Variants in DPYD observed in about 807,000 individuals in gnomAD.
DPYD encodes the protein dihydropyrimidine dehydrogenase [NADP(+)].
A neutral mutation model predicts 116.2 loss-of-function variants in DPYD; 109 were observed. The ratio of observed to expected loss-of-function variants is 0.94; its 90% CI spans 0.80 to 1.10. The LOEUF is 1.10. Ranked by LOEUF, DPYD falls within the 50% of genes least tolerant of loss-of-function variation. The probability of loss-of-function intolerance (pLI) is 0.00; values close to 1 mark genes in which losing one functional copy is unlikely to be tolerated. For missense variants in DPYD, 1,302 were observed against 1,254.5 expected (o/e 1.04, Z -0.57); for synonymous variants, 440 against 432.0 (o/e 1.02, Z -0.23).
rs75073340 is a variant in DPYD at position 97,085,308 on chromosome 1, C to T, written c.2767-2838G>A. 1.0e-3 allele frequency among the ~76,000 whole-genome samples: 155 copies of T among 152,260 alleles called. No homozygotes were observed. In the East Asian group the frequency reaches 0.026, roughly 26 times the overall value. ...GTGTATAAGCCTTCTTCAAAAGAAA[C>T]GTTGTATATGCCTTAGAAATTTTAC... On this transcript the variant is annotated intron_variant, in intron 21 of 22. Transcript: ENST00000370192.
At chr1:97,343,257 T>G (rs1271136019) in intron 16 of DPYD, among the ~76,000 whole-genome samples, 1 of 152,120 alleles carries the variant, frequency 6.6e-6, no homozygotes, top group Non-Finnish European at 1.5e-5. Context: ...TCCACCATTA[T>G]TCTCTTCAAT....
At chr1:97,916,656 A>G (rs964260148) in intron 1 of DPYD, among the ~76,000 whole-genome samples, 2 of 152,200 alleles carry the variant, frequency 1.3e-5, no homozygotes, top group African/African-American at 2.4e-5. Flanking sequence ...ACCCTCCATC[A>G]AGATCCATCA....
At chr1:97,829,607 T>C (rs1002227020) in intron 2 of DPYD, among the ~76,000 whole-genome samples, 35 of 152,144 alleles carry the variant, frequency 2.3e-4, no homozygotes, top group African/African-American at 8.0e-4. Context: ...GTTTAAGAAA[T>C]TTAAAAACTT....
intron 3 of DPYD, among the ~76,000 whole-genome samples, chr1:97,787,947 T>G (rs1667127116): frequency 6.6e-6 from 1 of 152,182 alleles, no homozygotes; most frequent in African/African-American, 2.4e-5. Flanking sequence ...CACACGGTAG[T>G]AGAGAGGTAG....
At chr1:97,692,921 A>G (rs553753865) in intron 6 of DPYD, among the ~76,000 whole-genome samples, 1 of 152,290 alleles carries the variant, frequency 6.6e-6, no homozygotes, top group East Asian at 1.9e-4. Context: ...CAGCCTTTTC[A>G]TTGTTTGATG....
At chr1:97,563,351 T>C (rs2102141932) in intron 11 of DPYD, among the ~76,000 whole-genome samples, 1 of 152,346 alleles carries the variant, frequency 6.6e-6, no homozygotes, top group Admixed American at 6.5e-5. Flanking sequence ...TCAGTTTATC[T>C]ATTACACTCA....
chr1:97,504,961 C>T (rs1647211223), intron 13 of DPYD, among the ~76,000 whole-genome samples: 1 of 151,780 alleles, frequency 6.6e-6, no homozygotes, highest in Non-Finnish European at 1.5e-5. Flanking sequence ...TATAAGAGCT[C>T]AGACAATGGA....
intron 17 of DPYD, 31 bp from the exon 18 acceptor site, chr1:97,305,409 G>A (rs2101037185): frequency 1.2e-6 from 2 of 1,611,444 alleles, no homozygotes; most frequent in Non-Finnish European, 1.7e-6. Flanking sequence ...TTTTCATGCA[G>A]CTCTTATAAG....
intron 19 of DPYD, among the ~76,000 whole-genome samples, chr1:97,194,926 C>T (rs1658641737): frequency 6.6e-6 from 1 of 152,108 alleles, no homozygotes; most frequent in African/African-American, 2.4e-5. Context: ...AGTTCTTCCA[C>T]TAAAAAAACC....
At chr1:97,900,289 A>T (rs543010724) in intron 1 of DPYD, among the ~76,000 whole-genome samples, 1 of 151,972 alleles carries the variant, frequency 6.6e-6, no homozygotes, top group East Asian at 1.9e-4. Context: ...CTTCTTTTAC[A>T]TGAGGAATAA....
At chr1:97,647,608 C>T (rs1658343030) in intron 8 of DPYD, among the ~76,000 whole-genome samples, 1 of 151,740 alleles carries the variant, frequency 6.6e-6, no homozygotes, top group Non-Finnish European at 1.5e-5. Context: ...TAATTTCATT[C>T]AAAAATATTT....
At position 97,545,555 on chromosome 1, in the gene DPYD, T is replaced by C. The variant is rs371976932; in HGVS notation, c.1524+4005A>G. The C allele has an allele frequency of 1.7e-4, 78 of 446,954 alleles. No individual in the cohort carries two copies. The East Asian group carries it at 2.2e-3, about 13-fold the overall frequency. The allele number at this position is 446,954 out of a possible 1,614,324, so 27.7% of individuals were successfully genotyped here. ...TGTAGGAAAGACATTTACATGAAGA[T>C]GTTTGGTGAATATGAAAAGTAGATT... On this transcript the variant is annotated intron_variant, in intron 12 of 22. Coordinates refer to ENST00000370192, the MANE Select transcript of DPYD (RefSeq NM_000110.4).
At chr1:97,850,169 T>G (rs1670501650) in intron 2 of DPYD, among the ~76,000 whole-genome samples, 1 of 152,216 alleles carries the variant, frequency 6.6e-6, no homozygotes, top group African/African-American at 2.4e-5. Context: ...GTCATCTGTT[T>G]CTCAAGTTAT....
intron 11 of DPYD, among the ~76,000 whole-genome samples, chr1:97,562,427 T>G (rs1294392778): frequency 6.6e-6 from 1 of 152,198 alleles, no homozygotes; most frequent in Non-Finnish European, 1.5e-5. Context: ...TTCTTTCACA[T>G]ACTTGTATGG....
chr1:97,541,836 A>G (rs899937453), intron 12 of DPYD, among the ~76,000 whole-genome samples: 5 of 152,178 alleles, frequency 3.3e-5, no homozygotes, highest in Non-Finnish European at 7.4e-5. Context: ...TTCTTTAGGT[A>G]CACTGTCAAA....
intron 13 of DPYD, among the ~76,000 whole-genome samples, chr1:97,455,378 G>C (rs1216830171): frequency 6.6e-6 from 1 of 151,858 alleles, no homozygotes; most frequent in Non-Finnish European, 1.5e-5. Context: ...CCAAGATTCT[G>C]CTGTAAATAT....
chr1:97,293,382 A>G (rs1460963656), intron 18 of DPYD, among the ~76,000 whole-genome samples: 1 of 152,218 alleles, frequency 6.6e-6, no homozygotes, highest in Admixed American at 6.5e-5. Flanking sequence ...GTCAGACAGT[A>G]GAGATTCCCA....
At chr1:97,166,601 G>C (rs1656347672) in intron 20 of DPYD, among the ~76,000 whole-genome samples, 1 of 152,148 alleles carries the variant, frequency 6.6e-6, no homozygotes, top group South Asian at 2.1e-4. Flanking sequence ...ACACTGTACA[G>C]TAAAGCTTAG....
At chr1:97,902,244 A>G (rs1239245037) in intron 1 of DPYD, among the ~76,000 whole-genome samples, 1 of 151,860 alleles carries the variant, frequency 6.6e-6, no homozygotes, top group African/African-American at 2.4e-5. Flanking sequence ...AGTCAAGATT[A>G]GAACCAAGTC....
Sources: gnomAD v4.1 joint callset for allele counts (sites outside exome capture counted in the v4.1 genomes callset) on GRCh38, gnomAD v4.1.1 for gene constraint, MANE v1.5 for transcripts, NCBI Gene and HGNC (gene_info 2026-07-23, HGNC 2026-07-21) for gene names.